The following PCDHA10 variants were observed in gnomAD, a reference collection of about 807,000 sequenced individuals.
The protein encoded by PCDHA10 is protocadherin alpha 10.
Under a neutral mutation model 61.2 loss-of-function variants are expected in PCDHA10, and 45 were observed. That is an observed-to-expected ratio of 0.74 (90% CI 0.58 to 0.94). PCDHA10 has a LOEUF of 0.94. Ranked by LOEUF, PCDHA10 falls within the 40% of genes least tolerant of loss-of-function variation. The probability of loss-of-function intolerance (pLI) is 0.00; values close to 1 mark genes in which losing one functional copy is unlikely to be tolerated. For missense variants in PCDHA10, 1,278 were observed against 1,236.2 expected, an observed-to-expected ratio of 1.03 and a Z score of -0.51; for synonymous variants, 602 against 548.8, an observed-to-expected ratio of 1.10 and a Z score of -1.35.
At chr5:140,863,608 T>C (rs548888922) in intron 1 of PCDHA10, 1 of 349,702 alleles carries the variant, frequency 2.9e-6, no homozygotes, top group Non-Finnish European at 5.6e-6. Flanking sequence ...CCTATTAATG[T>C]CCCTCATAGT....
At chr5:140,888,436 G>A (rs782695641) in intron 1 of PCDHA10, among the ~76,000 whole-genome samples, 5 of 152,104 alleles carry the variant, frequency 3.3e-5, no homozygotes, top group Non-Finnish European at 7.4e-5. Flanking sequence ...CAGGACAGCC[G>A]CCCAACAATA....
intron 1 of PCDHA10, among the ~76,000 whole-genome samples, chr5:140,886,732 A>C (rs1457707116): frequency 3.9e-5 from 6 of 151,952 alleles, no homozygotes; most frequent in Non-Finnish European, 8.8e-5. Flanking sequence ...AGGCTGAAGC[A>C]AGAGAATTGC....
intron 2 of PCDHA10, among the ~76,000 whole-genome samples, chr5:140,981,839 A>T (rs950232298): frequency 6.6e-6 from 1 of 152,116 alleles, no homozygotes; most frequent in Non-Finnish European, 1.5e-5. Flanking sequence ...AAGGTCTCCC[A>T]GTTTGTATCT....
chr5:141,005,659 G>A (rs963015988), intron 3 of PCDHA10, among the ~76,000 whole-genome samples: 2 of 123,926 alleles, frequency 1.6e-5, no homozygotes, highest in South Asian at 2.6e-4. Flanking sequence ...TCGAGATCGC[G>A]CCACTGCACT....
chr5:140,987,213 C>CA (rs58319157), intron 3 of PCDHA10, among the ~76,000 whole-genome samples: 3,048 of 118,770 alleles, frequency 0.026, 41 homozygotes, highest in Middle Eastern at 0.12. Flanking sequence ...GACTCCATCT[C>CA]AAAAAAAAAA....
chr5:140,921,630 A>G lies in PCDHA10; in HGVS notation c.2389-57319A>G, dbSNP rs554698507. ...AGAAAAATATCATCAGATCATCATTATGGTAGCTATTTTAAGGGAACTTAA... is the reference window on the plus strand; with the variant it reads ...AGAAAAATATCATCAGATCATCATTGTGGTAGCTATTTTAAGGGAACTTAA... On this transcript the variant is annotated intron_variant, in intron 1 of 3. Coordinates refer to ENST00000307360, the MANE Select transcript of PCDHA10 (RefSeq NM_018901.4). Among the ~76,000 whole-genome samples, 4 of 152,344 alleles carry G rather than the reference A, an allele frequency of 2.6e-5. No homozygotes were observed. The South Asian group carries it at 8.3e-4, about 32-fold the overall frequency.
intron 1 of PCDHA10, among the ~76,000 whole-genome samples, chr5:140,951,551 A>T (rs246040): frequency 0.31 from 47,721 of 151,608 alleles, 7,835 homozygotes; most frequent in East Asian, 0.53. Flanking sequence ...GACGGGGGGA[A>T]GTGCTACGCA....
chr5:140,877,161 G>C (rs2056901330), intron 1 of PCDHA10: 1 of 1,613,828 alleles, frequency 6.2e-7, no homozygotes, highest in Non-Finnish European at 8.5e-7. Context: ...ACAACGCGCC[G>C]GCACTGCTGG....
intron 1 of PCDHA10, among the ~76,000 whole-genome samples, chr5:140,916,482 G>C (rs2077584456): frequency 6.6e-6 from 1 of 152,194 alleles, no homozygotes; most frequent in African/African-American, 2.4e-5. Context: ...GTGCCCAAGG[G>C]CTCTTTAGTC....
chr5:140,942,588 A>G lies in PCDHA10; in HGVS notation c.2389-36361A>G, dbSNP rs1416575390. Among the ~76,000 whole-genome samples the G allele has an allele frequency of 2.0e-5, 3 of 149,704 alleles. No homozygotes were observed. The East Asian group carries it at 5.9e-4, about 29-fold the overall frequency. ...AAAATCTTCCCATATAGGATGTCAC[A>G]TATAATTATAGTGTTTATATTTGCC... On this transcript the variant is annotated intron_variant, in intron 1 of 3. Transcript: ENST00000307360.
At chr5:140,867,556 A>G (rs578116609) in intron 1 of PCDHA10, 33 of 152,264 alleles carry the variant, frequency 2.2e-4, no homozygotes, top group African/African-American at 7.5e-4. Flanking sequence ...TACACATATG[A>G]TAACTTTTTC....
chr5:140,886,122 C>T (rs1394228638), intron 1 of PCDHA10, among the ~76,000 whole-genome samples: 1 of 152,116 alleles, frequency 6.6e-6, no homozygotes, highest in Non-Finnish European at 1.5e-5. Context: ...AACATAGTTC[C>T]GTAACAACCA....
At chr5:140,863,261 A>G (rs782771328) in intron 1 of PCDHA10, 17 of 1,449,886 alleles carry the variant, frequency 1.2e-5, no homozygotes, top group Non-Finnish European at 1.4e-5. Context: ...GAGGTCCGGG[A>G]GGCAGCGCTG....
intron 1 of PCDHA10, chr5:140,882,792 A>C (rs367665995): frequency 6.2e-7 from 1 of 1,614,144 alleles, no homozygotes; most frequent in Non-Finnish European, 8.5e-7. Flanking sequence ...CTGGATCCCA[A>C]CGATTATTTC....
intron 3 of PCDHA10, among the ~76,000 whole-genome samples, chr5:141,007,687 C>T (rs1434828672): frequency 1.3e-5 from 2 of 152,200 alleles, no homozygotes; most frequent in Non-Finnish European, 2.9e-5. Flanking sequence ...TATCCTACTT[C>T]CACCTCCCTC....
chr5:140,984,304 G>A (rs1587007644), intron 3 of PCDHA10, among the ~76,000 whole-genome samples: 1 of 152,168 alleles, frequency 6.6e-6, no homozygotes, highest in Admixed American at 6.5e-5. Context: ...GATGCTGGTT[G>A]GTGTGTATTC....
chr5:140,885,164 T>G (rs2060495549), intron 1 of PCDHA10, among the ~76,000 whole-genome samples: 1 of 151,598 alleles, frequency 6.6e-6, no homozygotes, highest in African/African-American at 2.4e-5. Context: ...TCTCTACTTT[T>G]TTGTCCTCTA....
chr5:140,884,312 G>T, intron 1 of PCDHA10: 1 of 1,613,768 alleles, frequency 6.2e-7, no homozygotes, highest in Non-Finnish European at 8.5e-7. Flanking sequence ...TTCGTCGAGG[G>T]CGTCGGCAGG....
At chr5:140,938,468 A>T (rs1427570517) in intron 1 of PCDHA10, among the ~76,000 whole-genome samples, 1 of 152,096 alleles carries the variant, frequency 6.6e-6, no homozygotes, top group Non-Finnish European at 1.5e-5. Flanking sequence ...TTAATTTATT[A>T]TGTTTTTTAA....
Sources: allele counts gnomAD v4.1 joint callset (sites outside exome capture counted in the v4.1 genomes callset), GRCh38; gene constraint gnomAD v4.1.1; transcripts MANE v1.5; gene names NCBI Gene and HGNC (gene_info 2026-07-23, HGNC 2026-07-21).